Variants in CSMD1 observed in about 807,000 individuals in gnomAD.
CSMD1 encodes CUB and sushi domain-containing protein 1.
Under a neutral mutation model 417.5 loss-of-function variants are expected in CSMD1, and 213 were observed. The ratio of observed to expected loss-of-function variants is 0.51; its 90% CI spans 0.46 to 0.57. CSMD1 has a LOEUF of 0.57. Ranked by LOEUF, CSMD1 falls within the 20% of genes least tolerant of loss-of-function variation. The pLI is 0.00. For missense variants in CSMD1, 6,923 were observed against 4,529.7 expected (o/e 1.53, Z -15.17); for synonymous variants, 2,862 against 1,736.8 (o/e 1.65, Z -16.11).
intron 41 of CSMD1, among the ~76,000 whole-genome samples, chr8:3,120,740 G>A (rs548165021): frequency 6.6e-6 from 1 of 151,968 alleles, no homozygotes; most frequent in Non-Finnish European, 1.5e-5. Flanking sequence ...CCAGCTACTT[G>A]GGAGGCTGAG....
intron 26 of CSMD1, among the ~76,000 whole-genome samples, chr8:3,240,209 G>T (rs1799408947): frequency 6.6e-6 from 1 of 152,114 alleles, no homozygotes; most frequent in African/African-American, 2.4e-5. Context: ...CCACACTTCA[G>T]CTGTGGGTAA....
At chr8:3,399,180 A>C (rs1036729038) in intron 16 of CSMD1, among the ~76,000 whole-genome samples, 5 of 152,174 alleles carry the variant, frequency 3.3e-5, no homozygotes, top group African/African-American at 9.7e-5. Context: ...CAGTTCCCCT[A>C]CTAACCTCCA....
At chr8:4,442,445 A>G (rs1798540203) in intron 2 of CSMD1, among the ~76,000 whole-genome samples, 1 of 152,180 alleles carries the variant, frequency 6.6e-6, no homozygotes, top group African/African-American at 2.4e-5. Flanking sequence ...CAGTTCTATA[A>G]ATACATCTAC....
chr8:3,013,917 A>G (rs73502900), intron 52 of CSMD1, among the ~76,000 whole-genome samples: 1,897 of 152,204 alleles, frequency 0.012, 38 homozygotes, highest in African/African-American at 0.043. Context: ...AACCTTATTA[A>G]TAAGACTCAG....
At chr8:4,547,982 G>C (rs1797704575) in intron 2 of CSMD1, among the ~76,000 whole-genome samples, 1 of 152,196 alleles carries the variant, frequency 6.6e-6, no homozygotes, top group Admixed American at 6.5e-5. Context: ...TTGAGCAAAT[G>C]TAGGCCAGGC....
chr8:4,170,079 G>C (rs1049337420), intron 3 of CSMD1, among the ~76,000 whole-genome samples: 4 of 151,778 alleles, frequency 2.6e-5, no homozygotes, highest in Non-Finnish European at 5.9e-5. Flanking sequence ...TTGTGGGTGA[G>C]TCAAAGATTA....
intron 3 of CSMD1, among the ~76,000 whole-genome samples, chr8:4,339,540 A>G (rs996765503): frequency 1.3e-5 from 2 of 152,132 alleles, no homozygotes; most frequent in South Asian, 4.1e-4. Context: ...ACATTTCTAA[A>G]GACTACTGAA....
intron 3 of CSMD1, among the ~76,000 whole-genome samples, chr8:4,248,526 T>C (rs1802849296): frequency 1.3e-5 from 2 of 152,210 alleles, no homozygotes; most frequent in South Asian, 4.1e-4. Flanking sequence ...AACAGGAGGA[T>C]TTTAGGTTTT....
At chr8:4,449,958 T>C (rs987740378) in intron 2 of CSMD1, among the ~76,000 whole-genome samples, 1 of 152,194 alleles carries the variant, frequency 6.6e-6, no homozygotes, top group Non-Finnish European at 1.5e-5. Context: ...GCTCTTTTTC[T>C]TGTTTTTCCA....
chr8:4,874,981 T>G (rs779040350), intron 1 of CSMD1, among the ~76,000 whole-genome samples: 1 of 151,764 alleles, frequency 6.6e-6, no homozygotes, highest in Admixed American at 6.6e-5. Flanking sequence ...TTTATTTCCT[T>G]CTTTCCCTTC....
chr8:3,732,880 T>C (rs532141763), intron 6 of CSMD1, among the ~76,000 whole-genome samples: 3 of 152,260 alleles, frequency 2.0e-5, no homozygotes, highest in South Asian at 2.1e-4. Flanking sequence ...TCTATCTATC[T>C]ATCCATCCAT....
chr8:4,255,766 A>G (rs539798807), intron 3 of CSMD1, among the ~76,000 whole-genome samples: 11 of 152,358 alleles, frequency 7.2e-5, no homozygotes, highest in Non-Finnish European at 1.3e-4. Context: ...TAAAATTAAT[A>G]TATGTTTAAA....
At chr8:4,208,680 T>C (rs2131278908) in intron 3 of CSMD1, among the ~76,000 whole-genome samples, 1 of 152,202 alleles carries the variant, frequency 6.6e-6, no homozygotes, top group South Asian at 2.1e-4. Flanking sequence ...CAAAACATCA[T>C]GATGAGTCAA....
chr8:4,454,215 T>A (rs903731563), intron 2 of CSMD1, among the ~76,000 whole-genome samples: 5 of 152,110 alleles, frequency 3.3e-5, no homozygotes, highest in African/African-American at 7.2e-5. Context: ...TGTCTCCTTA[T>A]CCACCCCCAA....
chr8:4,267,641 A>G (rs73500622), intron 3 of CSMD1, among the ~76,000 whole-genome samples: 15,655 of 151,976 alleles, frequency 0.1, 998 homozygotes, highest in African/African-American at 0.17. Flanking sequence ...AATTAAATAC[A>G]TATCTTTGCA....
intron 3 of CSMD1, among the ~76,000 whole-genome samples, chr8:4,094,279 G>C (rs1313906169): frequency 6.6e-6 from 1 of 152,120 alleles, no homozygotes; most frequent in Non-Finnish European, 1.5e-5. Flanking sequence ...TACTGGGGGA[G>C]GCGGTAGGGA....
chr8:3,595,080 C>T (rs912934454), intron 8 of CSMD1, among the ~76,000 whole-genome samples: 1 of 152,160 alleles, frequency 6.6e-6, no homozygotes, highest in Non-Finnish European at 1.5e-5. Context: ...AAAATAAATG[C>T]TTTAGGTATC....
chr8:3,890,040 A>G (rs1031236562), intron 5 of CSMD1, among the ~76,000 whole-genome samples: 2 of 152,090 alleles, frequency 1.3e-5, no homozygotes, highest in Admixed American at 6.6e-5. Flanking sequence ...TTTTTTTAAA[A>G]AAGTTTCTGA....
At chr8:4,791,863 AT>A (rs905527668) in intron 1 of CSMD1, among the ~76,000 whole-genome samples, 14 of 151,968 alleles carry the variant, frequency 9.2e-5, no homozygotes, top group African/African-American at 3.2e-4. Context: ...TCAAAAAAAA[AT>A]TTTTTTAGCT....
Sources: allele counts gnomAD v4.1 joint callset (sites outside exome capture counted in the v4.1 genomes callset), GRCh38; gene constraint gnomAD v4.1.1; transcripts MANE v1.5; gene names NCBI Gene and HGNC (gene_info 2026-07-23, HGNC 2026-07-21).